The following AUTS2 variants were observed in gnomAD, a reference collection of about 807,000 sequenced individuals.
AUTS2 encodes the protein autism susceptibility gene 2 protein.
In AUTS2, 17 loss-of-function variants were observed where a neutral mutation model predicts 112.4. That is an observed-to-expected ratio of 0.15 (90% CI 0.10 to 0.23). The LOEUF (loss-of-function observed/expected upper bound fraction) is 0.23, where lower values mean the gene tolerates loss of function less well. AUTS2 is among the 10% of genes least tolerant of loss of function. The pLI is 1.00. For missense variants in AUTS2, 1,510 were observed against 1,701.6 expected (o/e 0.89, Z 1.98); for synonymous variants, 751 against 702.7 (o/e 1.07, Z -1.09).
chr7:70,181,609 C>T (rs1421053705), intron 4 of AUTS2, among the ~76,000 whole-genome samples: 1 of 151,478 alleles, frequency 6.6e-6, no homozygotes, highest in African/African-American at 2.4e-5. Flanking sequence ...GCCTCAGCCT[C>T]CTGAGTAGCT....
chr7:70,647,144 GA>G (rs1381978790), intron 5 of AUTS2, among the ~76,000 whole-genome samples: 1 of 152,212 alleles, frequency 6.6e-6, no homozygotes, highest in African/African-American at 2.4e-5. Context: ...CCATGTTGGA[GA>G]ATGCGTTCTG....
intron 1 of AUTS2, among the ~76,000 whole-genome samples, chr7:69,717,653 T>C (rs978276466): frequency 1.3e-5 from 2 of 152,184 alleles, no homozygotes; most frequent in East Asian, 3.8e-4. Flanking sequence ...ACTATTCCTA[T>C]AGAAATGACA....
intron 1 of AUTS2, among the ~76,000 whole-genome samples, chr7:69,876,419 T>A (rs1249199312): frequency 8.0e-6 from 1 of 124,334 alleles, no homozygotes; most frequent in Non-Finnish European, 1.7e-5. Flanking sequence ...CATAATGTAT[T>A]TTATATTTAT....
intron 4 of AUTS2, among the ~76,000 whole-genome samples, chr7:70,357,304 T>A (rs1283020742): frequency 6.6e-6 from 1 of 152,180 alleles, no homozygotes; most frequent in Non-Finnish European, 1.5e-5. Context: ...CAAGTTTGCT[T>A]TCTACTCAGA....
intron 6 of AUTS2, among the ~76,000 whole-genome samples, chr7:70,737,766 G>T (rs1787858137): frequency 6.6e-6 from 1 of 152,148 alleles, no homozygotes; most frequent in African/African-American, 2.4e-5. Context: ...AGGAGCCAGG[G>T]GGGTGAAGAG....
intron 4 of AUTS2, among the ~76,000 whole-genome samples, chr7:70,206,264 C>T (rs966615442): frequency 6.6e-6 from 1 of 152,086 alleles, no homozygotes; most frequent in African/African-American, 2.4e-5. Flanking sequence ...TCTTGTGTAT[C>T]TATGTATGGT....
chr7:70,031,068 AG>A (rs1800756192), intron 2 of AUTS2, among the ~76,000 whole-genome samples: 1 of 152,174 alleles, frequency 6.6e-6, no homozygotes, highest in South Asian at 2.1e-4. Context: ...GAGGACTGTA[AG>A]GGAAAAGAGA....
intron 2 of AUTS2, among the ~76,000 whole-genome samples, chr7:70,001,351 C>T (rs139334887): frequency 3.5e-4 from 53 of 152,186 alleles, no homozygotes; most frequent in Admixed American, 3.1e-3. Context: ...GTCTCGAACA[C>T]GTGAGCTCAA....
At position 70,775,375 on chromosome 7, in the gene AUTS2, C is replaced by T; in HGVS notation, c.1921C>T (p.Pro641Ser). 6.2e-7 allele frequency: 1 copy of T among 1,612,880 alleles called. No individual in the cohort carries two copies. The highest frequency in any genetic ancestry group is 8.5e-7 in the Non-Finnish European group (1 of 1,179,482). Residue 641 changes from proline to serine, a missense_variant, in exon 13 of 19, where the codon CCT becomes TCT. Transcript: ENST00000342771. ...KDPRLTDPFR[P>S]MLRKPGKWCA... ...TTCACAGTTGACAGATCCTTTCAGACCTATGTTAAGGGTAAGAAAGCTTCT... is the reference window on the plus strand; with the variant it reads ...TTCACAGTTGACAGATCCTTTCAGATCTATGTTAAGGGTAAGAAAGCTTCT...
At chr7:69,934,462 A>G (rs1796334680) in intron 2 of AUTS2, among the ~76,000 whole-genome samples, 1 of 152,178 alleles carries the variant, frequency 6.6e-6, no homozygotes, top group African/African-American at 2.4e-5. Flanking sequence ...AAGAAACCTA[A>G]ATTAGTTTGA....
At chr7:69,719,876 A>G (rs2129213150) in intron 1 of AUTS2, among the ~76,000 whole-genome samples, 1 of 152,276 alleles carries the variant, frequency 6.6e-6, no homozygotes, top group East Asian at 1.9e-4. Context: ...ATAGCACAGG[A>G]TAATTAATAG....
intron 2 of AUTS2, among the ~76,000 whole-genome samples, chr7:69,904,632 A>T (rs1212276491): frequency 6.6e-6 from 1 of 152,236 alleles, no homozygotes; most frequent in African/African-American, 2.4e-5. Context: ...AATGTCAGTT[A>T]AACCGTTTCT....
intron 4 of AUTS2, among the ~76,000 whole-genome samples, chr7:70,384,500 C>T (rs1176938655): frequency 6.6e-6 from 1 of 152,198 alleles, no homozygotes; most frequent in African/African-American, 2.4e-5. Flanking sequence ...AGAAGCTGGG[C>T]CTACAGCAAA....
intron 1 of AUTS2, among the ~76,000 whole-genome samples, chr7:69,811,308 A>T (rs1353748743): frequency 2.0e-5 from 3 of 152,220 alleles, no homozygotes; most frequent in Admixed American, 1.3e-4. Flanking sequence ...TGTGGTCACC[A>T]TATTGCATCA....
At chr7:69,827,018 A>G (rs1032291528) in intron 1 of AUTS2, among the ~76,000 whole-genome samples, 3 of 152,096 alleles carry the variant, frequency 2.0e-5, no homozygotes, top group African/African-American at 7.2e-5. Context: ...TTGGCTATTG[A>G]GCTTTCTAAT....
At chr7:70,483,607 A>C (rs143631544) in intron 5 of AUTS2, among the ~76,000 whole-genome samples, 1 of 152,252 alleles carries the variant, frequency 6.6e-6, no homozygotes, top group East Asian at 1.9e-4. Context: ...CAGTTTCCTC[A>C]TCTGGAAAAT....
At chr7:70,534,414 TTGTTTGTTTGTTTGTTTG>T (rs1219809367) in intron 5 of AUTS2, among the ~76,000 whole-genome samples, 87 of 151,860 alleles carry the variant, frequency 5.7e-4, no homozygotes, top group African/African-American at 2.1e-3. Context: ...GTTTGTTTGT[TTGTTTGTTTGTTTGTTTG>T]TTTGTTTGTT....
chr7:70,305,809 T>C (rs1459614231), intron 4 of AUTS2, among the ~76,000 whole-genome samples: 1 of 152,230 alleles, frequency 6.6e-6, no homozygotes, highest in Non-Finnish European at 1.5e-5. Context: ...TATATGGACA[T>C]AAATGCCTTT....
chr7:70,427,026 C>A (rs940265269), intron 4 of AUTS2, among the ~76,000 whole-genome samples: 4 of 150,084 alleles, frequency 2.7e-5, no homozygotes, highest in Non-Finnish European at 5.9e-5. Flanking sequence ...CACCAAGAAA[C>A]TATATATGGG....
Sources: allele counts gnomAD v4.1 joint callset (sites outside exome capture counted in the v4.1 genomes callset), GRCh38; gene constraint gnomAD v4.1.1; transcripts MANE v1.5; gene names NCBI Gene and HGNC (gene_info 2026-07-23, HGNC 2026-07-21).